CIT: variants seen among roughly 807,000 people sequenced by gnomAD.
The protein encoded by CIT is citron Rho-interacting kinase.
CIT carries 79 observed loss-of-function variants against 272.7 expected under a neutral mutation model. That is an observed-to-expected ratio of 0.29 (90% confidence interval 0.24 to 0.35). CIT has a LOEUF of 0.35. CIT is among the 10% of genes least tolerant of loss of function. The probability of loss-of-function intolerance (pLI) is 1.00; values close to 1 mark genes in which losing one functional copy is unlikely to be tolerated. For missense variants in CIT, 1,909 were observed against 2,618.3 expected (o/e 0.73, Z 5.91); for synonymous variants, 948 against 995.6 (o/e 0.95, Z 0.90).
chr12:119,824,788 TTTTTG>T (rs918037278), intron 8 of CIT, among the ~76,000 whole-genome samples: 20 of 152,204 alleles, frequency 1.3e-4, no homozygotes, highest in East Asian at 3.9e-4. Flanking sequence ...ATTTTTTGGT[TTTTTG>T]TTTTGTTTTG....
intron 5 of CIT, among the ~76,000 whole-genome samples, chr12:119,841,124 T>C (rs1427752190): frequency 6.6e-6 from 1 of 152,174 alleles, no homozygotes; most frequent in East Asian, 1.9e-4. Flanking sequence ...CAGGCCTGGC[T>C]TCAAAGCTTA....
intron 32 of CIT, among the ~76,000 whole-genome samples, chr12:119,717,838 C>CTGTTTTTTTTTTTTT: frequency 1.2e-5 from 1 of 81,352 alleles, no homozygotes; most frequent in East Asian, 3.7e-4. Context: ...TGACTTCTTT[C>CTGTTTTTTTTTTTTT]TTTTTTTTTT....
At position 119,785,042 on chromosome 12, in the gene CIT, G is replaced by A. The variant is rs377565965; in HGVS notation, c.1319C>T (p.Ser440Phe). 4 of 1,614,066 alleles carry A rather than the reference G, an allele frequency of 2.5e-6. No homozygotes were observed. The highest frequency in any genetic ancestry group is 3.4e-6 in the Non-Finnish European group (4 of 1,180,030). The part of the protein sequence containing the change: ...RSESVVSGLD[S>F]PAKTSSMEKK... Reference sequence around the variant, plus strand: ...TTCCATGGAGCTAGTCTTGGCAGGGGAGTCCAGACCCGACACAACAGACCT... The same window carrying A: ...TTCCATGGAGCTAGTCTTGGCAGGGAAGTCCAGACCCGACACAACAGACCT... The change falls in exon 11 of 48, where the codon TCC (serine) becomes TTC (phenylalanine). Residue 440 changes from serine to phenylalanine, a missense_variant. Coordinates refer to ENST00000392521, the MANE Select transcript of CIT (RefSeq NM_001206999.2).
rs1436186022 is a variant in CIT, at chr12:119,775,814, A to G, written c.1913T>C (p.Ile638Thr). 2 of 1,613,834 alleles carry G rather than the reference A, an allele frequency of 1.2e-6. No homozygotes were observed. The highest frequency in any genetic ancestry group is 8.5e-7 in the Non-Finnish European group (1 of 1,179,908). The change falls in exon 16 of 48, where the codon ATT (isoleucine) becomes ACT (threonine). Residue 638 changes from isoleucine (I) to threonine (T), a missense_variant. Coordinates refer to ENST00000392521, the MANE Select transcript of CIT (RefSeq NM_001206999.2). ...CTCCAGTTTCTCTTGGAGCTCCTGA[A>G]TTTTGAGCTGCTGCTCAGCATTGAT... The part of the protein sequence containing the change: ...EKINAEQQLK[I>T]QELQEKLEKA...
chr12:119,780,414 C>G (rs549795440), intron 13 of CIT, among the ~76,000 whole-genome samples: 3 of 152,012 alleles, frequency 2.0e-5, no homozygotes, highest in Non-Finnish European at 4.4e-5. Context: ...GTCAGGAGTT[C>G]GAGACCAGCC....
chr12:119,851,795 G>C (rs1442554896), intron 4 of CIT, among the ~76,000 whole-genome samples: 2 of 152,200 alleles, frequency 1.3e-5, no homozygotes, highest in Non-Finnish European at 2.9e-5. Context: ...CCAGCACTTC[G>C]GGAGGCCAAG....
intron 23 of CIT, among the ~76,000 whole-genome samples, chr12:119,751,086 T>C (rs1960204273): frequency 6.6e-6 from 1 of 152,156 alleles, no homozygotes; most frequent in Non-Finnish European, 1.5e-5. Flanking sequence ...AGTATGATAC[T>C]ATGAGAAATG....
chr12:119,870,662 G>A (rs931498003), intron 2 of CIT, among the ~76,000 whole-genome samples: 3 of 151,644 alleles, frequency 2.0e-5, no homozygotes, highest in Non-Finnish European at 4.4e-5. Context: ...GTAGCCCTTG[G>A]ACCAAATCCA....
chr12:119,798,311 C>G (rs543979136), intron 10 of CIT, among the ~76,000 whole-genome samples: 24 of 152,250 alleles, frequency 1.6e-4, no homozygotes, highest in East Asian at 1.2e-3. Context: ...ACCTGGGTAC[C>G]CCACACAAAT....
intron 24 of CIT, among the ~76,000 whole-genome samples, chr12:119,737,417 A>G (rs1958835940): frequency 6.6e-6 from 1 of 150,426 alleles, no homozygotes; most frequent in Admixed American, 6.7e-5. Flanking sequence ...AAAATAATTT[A>G]CTTGCCATTC....
At chr12:119,874,388 A>C (rs994876680) in intron 2 of CIT, among the ~76,000 whole-genome samples, 5 of 152,150 alleles carry the variant, frequency 3.3e-5, no homozygotes, top group Non-Finnish European at 7.3e-5. Context: ...TGGACTCAGA[A>C]AAGGTAACTG....
intron 4 of CIT, among the ~76,000 whole-genome samples, chr12:119,854,376 G>A (rs895996786): frequency 2.6e-5 from 4 of 151,178 alleles, no homozygotes; most frequent in Admixed American, 1.3e-4. Context: ...AGTGGCTCAC[G>A]CCTGTAATCC....
At position 119,776,794 on chromosome 12, in the gene CIT, C is replaced by T. The variant is rs745478337; in HGVS notation, c.1714G>A (p.Glu572Lys). The T allele has an allele frequency of 1.2e-6, 2 of 1,614,106 alleles. No homozygotes were observed. Among genetic ancestry groups the T allele is most frequent in the Non-Finnish European group, 1.7e-6 (2 of 1,180,012 alleles). Reference sequence around the variant, plus strand: ...CTTCTTGCTGAGACAAGATCCTCTTCCAACTGATTCATCATCAACCTCATT... The same window carrying T: ...CTTCTTGCTGAGACAAGATCCTCTTTCAACTGATTCATCATCAACCTCATT... ...EEMRLMMNQL[E>K]EDLVSARRRS... Residue 572 changes from glutamate (E) to lysine (K), a missense_variant, in exon 14 of 48, where the codon GAA (glutamate) becomes AAA (lysine). Transcript: ENST00000392521.
chr12:119,722,653 T>TA (rs1957861147), intron 28 of CIT, among the ~76,000 whole-genome samples: 1 of 152,236 alleles, frequency 6.6e-6, no homozygotes, highest in Admixed American at 6.5e-5. Flanking sequence ...TGATACCTGT[T>TA]AAAATCTGTA....
In CIT at chr12:119,699,984, C is replaced by T. The variant is rs1956461934; in HGVS notation, c.5623+761G>A. 1.1e-5 allele frequency: 5 copies of T among 449,738 alleles called. No homozygotes were observed. The Admixed American group carries it at 1.2e-4, about 11-fold the overall frequency. The allele number at this position is 449,738 out of a possible 1,614,324, so 27.9% of individuals were successfully genotyped here. A position where few individuals can be genotyped will look rare whatever the true frequency, so the allele number is the denominator to read the frequency against. ...TTTAGGAGCTTATAATCAGGGGGTG[C>T]TATCTAACAAGTGCAAAAAGATTAG... is the stretch of plus-strand genomic sequence containing the variant. On this transcript the variant is annotated intron_variant, in intron 44 of 47. Coordinates refer to ENST00000392521, the MANE Select transcript of CIT (RefSeq NM_001206999.2).
At chr12:119,876,299 G>A in intron 1 of CIT, 118 bp from the exon 2 acceptor site, 1 of 601,838 alleles carries the variant, frequency 1.7e-6, no homozygotes, top group Non-Finnish European at 2.9e-6. Context: ...TACCACTCCA[G>A]TTTTAGGAAG....
At chr12:119,788,374 C>T (rs187527009) in intron 10 of CIT, among the ~76,000 whole-genome samples, 1 of 152,274 alleles carries the variant, frequency 6.6e-6, no homozygotes, top group Non-Finnish European at 1.5e-5. Context: ...AAACCACCCA[C>T]GGAGAGAGTG....
chr12:119,787,555 C>A (rs1964906891), intron 10 of CIT, among the ~76,000 whole-genome samples: 1 of 151,048 alleles, frequency 6.6e-6, no homozygotes, highest in Non-Finnish European at 1.5e-5. Flanking sequence ...CACGGTGAAA[C>A]CTCGTCTCTA....
intron 3 of CIT, among the ~76,000 whole-genome samples, chr12:119,863,422 G>A (rs1950421966): frequency 6.6e-6 from 1 of 152,124 alleles, no homozygotes. Flanking sequence ...ACTAGGCTTA[G>A]TACCTGGGTG....
Sources: allele counts gnomAD v4.1 joint callset (sites outside exome capture counted in the v4.1 genomes callset), GRCh38; gene constraint gnomAD v4.1.1; transcripts MANE v1.5; gene names NCBI Gene and HGNC (gene_info 2026-07-23, HGNC 2026-07-21).